Variants in HTT observed in about 807,000 individuals in gnomAD.
HTT encodes the protein huntington disease protein.
A neutral mutation model predicts 362.3 loss-of-function variants in HTT; 104 were observed. That is an observed-to-expected ratio of 0.29 (90% CI 0.24 to 0.34). The LOEUF is 0.34. HTT is among the 10% of genes least tolerant of loss of function. HTT has a pLI of 1.00. For synonymous variants in HTT, 1,577 were observed against 1,548.7 expected, an observed-to-expected ratio of 1.02 and a Z score of -0.43; for missense variants, 3,301 against 3,928.6, an observed-to-expected ratio of 0.84 and a Z score of 4.27.
intron 4 of HTT, 50 bp downstream of exon 4, chr4:3,103,933 T>G: frequency 7.5e-6 from 8 of 1,073,822 alleles, no homozygotes; most frequent in Non-Finnish European, 1.1e-5. Flanking sequence ...TAAATTTTTA[T>G]AGGTACACGT....
chr4:3,110,838 A>AT (rs1453140985), intron 6 of HTT, among the ~76,000 whole-genome samples: 1 of 151,800 alleles, frequency 6.6e-6, no homozygotes, highest in East Asian at 1.9e-4. Flanking sequence ...TTCTGGGAAA[A>AT]TTTTCTTAAC....
intron 60 of HTT, among the ~76,000 whole-genome samples, chr4:3,231,514 G>T (rs987143714): frequency 6.6e-6 from 1 of 152,296 alleles, no homozygotes; most frequent in Admixed American, 6.5e-5. Flanking sequence ...ACATGTCCGT[G>T]ACCTGGAGCC....
At chr4:3,224,357 A>G (rs1467759057) in intron 56 of HTT, among the ~76,000 whole-genome samples, 1 of 152,236 alleles carries the variant, frequency 6.6e-6, no homozygotes, top group Admixed American at 6.5e-5. Context: ...CAGTCAAGAA[A>G]TGAGAAGCGA....
In HTT at chr4:3,240,095, G is replaced by C. The variant is rs1721739198; in HGVS notation, c.*36G>C. 2.6e-6 allele frequency: 4 copies of C among 1,526,734 alleles called. No individual in the cohort carries two copies. In the Admixed American group the frequency reaches 7.7e-5, roughly 30 times the overall value. 94.6% of individuals were successfully genotyped at this position (1,526,734 alleles called of 1,614,324 possible). A position where few individuals can be genotyped will look rare whatever the true frequency, so the allele number is the denominator to read the frequency against. On this transcript the variant is annotated 3_prime_UTR_variant, in exon 67 of 67. Transcript: ENST00000355072. ...GGGAGAGACTGTGAGGCGGCAGCTGGGGCCGGAGCCTTTGGAAGTCTGCGC... is the reference window on the plus strand; with the variant it reads ...GGGAGAGACTGTGAGGCGGCAGCTGCGGCCGGAGCCTTTGGAAGTCTGCGC...
intron 29 of HTT, among the ~76,000 whole-genome samples, chr4:3,170,043 G>T (rs1717901223): frequency 6.6e-6 from 1 of 152,018 alleles, no homozygotes; most frequent in Non-Finnish European, 1.5e-5. Context: ...CCAGTTCTTG[G>T]TGTTTCTCAT....
At chr4:3,169,754 A>T (rs1250705684) in intron 29 of HTT, among the ~76,000 whole-genome samples, 1 of 152,054 alleles carries the variant, frequency 6.6e-6, no homozygotes, top group African/African-American at 2.4e-5. Flanking sequence ...GTGTATTTTT[A>T]TTAGAGATGG....
chr4:3,122,539 G>A (rs188547973), intron 9 of HTT, among the ~76,000 whole-genome samples: 7 of 152,272 alleles, frequency 4.6e-5, no homozygotes, highest in South Asian at 2.1e-4. Context: ...TATGGAATGC[G>A]TGCCTTACAA....
rs1200755266 is a variant in HTT, at chr4:3,240,595, TTC to T, written c.*542_*543del. On this transcript the variant is annotated 3_prime_UTR_variant, in exon 67 of 67. Transcript: ENST00000355072. ...GCTAGACACCCGGCACCATTCTCCC[TTC>T]TCTCTTTTCTTCTCAGGATTTAAAA... The T allele has an allele frequency of 1.3e-5, 2 of 157,996 alleles. No individual in the cohort carries two copies. Among genetic ancestry groups the T allele is most frequent in the Non-Finnish European group, 2.8e-5 (2 of 71,460 alleles). 9.8% of individuals were successfully genotyped at this position (157,996 alleles called of 1,614,324 possible). A position where few individuals can be genotyped will look rare whatever the true frequency, so the allele number is the denominator to read the frequency against.
At chr4:3,182,515 C>A in intron 37 of HTT, 45 bp downstream of exon 37, 1 of 1,220,414 alleles carries the variant, frequency 8.2e-7, no homozygotes, top group Non-Finnish European at 1.2e-6. Context: ...GTGATGGTAG[C>A]TTAAGGTCCT....
intron 51 of HTT, 68 bp from the exon 52 acceptor site, chr4:3,217,697 A>C (rs1033077619): frequency 7.3e-7 from 1 of 1,366,824 alleles, no homozygotes; most frequent in Admixed American, 2.0e-5. Flanking sequence ...GTTGTAGGTC[A>C]TGCTTTCTAC....
chr4:3,214,048 C>T lies in HTT; in HGVS notation c.6865C>T (p.Pro2289Ser). ...LDCCCLALQL[P>S]GLWSVVSSTE... ...CTGCTGCTGCCTGGCCCTGCAGCTG[C>T]CTGGCCTCTGGAGCGTGGTCTCCTC... Residue 2289 changes from proline to serine, a missense_variant, in exon 50 of 67, where the codon CCT becomes TCT. Pro to Ser is a moderately conservative substitution (Grantham distance 74). This residue lies in a region of HTT where 220 missense variants were observed against 218.5 expected (regional missense o/e 1.01). Coordinates refer to ENST00000355072, the MANE Select transcript of HTT (RefSeq NM_001388492.1). 1 of 1,610,086 alleles carries T rather than the reference C, an allele frequency of 6.2e-7. No homozygotes were observed. The highest frequency in any genetic ancestry group is 8.5e-7 in the Non-Finnish European group (1 of 1,178,048).
chr4:3,192,122 A>T (rs1057140083), intron 40 of HTT, among the ~76,000 whole-genome samples: 1 of 152,172 alleles, frequency 6.6e-6, no homozygotes, highest in African/African-American at 2.4e-5. Flanking sequence ...GCTGAAGTGC[A>T]GTGGCATGAA....
At chr4:3,099,630 C>T (rs868343278) in intron 3 of HTT, among the ~76,000 whole-genome samples, 1 of 67,844 alleles carries the variant, frequency 1.5e-5, no homozygotes, top group South Asian at 3.7e-4. Flanking sequence ...TGGAGGTGCT[C>T]TTGTATGGTT....
At position 3,133,524 on chromosome 4, in the gene HTT, TAAA is replaced by T. The variant is rs59648129; in HGVS notation, c.2493+630_2493+632del. ...TAATAGTAATAATAATCAGTTGAAT[TAAA>T]AAAAAAAAAAAAAAAACCACTGTGC... On this transcript the variant is annotated intron_variant, in intron 18 of 66. Transcript: ENST00000355072. 4.4e-4 allele frequency among the ~76,000 whole-genome samples: 55 copies of T among 125,482 alleles called. 1 individual carries two copies. Among genetic ancestry groups the T allele is most frequent in the East Asian group, 9.5e-4 (4 of 4,206 alleles). The allele number at this position is 125,482 out of a possible 152,430, so 82.3% of individuals were successfully genotyped here.
intron 29 of HTT, among the ~76,000 whole-genome samples, chr4:3,168,315 C>G (rs1379705754): frequency 6.6e-6 from 1 of 152,182 alleles, no homozygotes; most frequent in Non-Finnish European, 1.5e-5. Context: ...GTGTGCGGGG[C>G]TGGGTGTTGA....
At chr4:3,077,217 A>C (rs1186217103) in intron 1 of HTT, among the ~76,000 whole-genome samples, 1 of 152,076 alleles carries the variant, frequency 6.6e-6, no homozygotes, top group African/African-American at 2.4e-5. Flanking sequence ...TGCATAAGTA[A>C]TACATTGACA....
At chr4:3,139,611 A>G (rs1163299944) in intron 21 of HTT, among the ~76,000 whole-genome samples, 1 of 152,200 alleles carries the variant, frequency 6.6e-6, no homozygotes, top group Non-Finnish European at 1.5e-5. Context: ...AAAATAGTTC[A>G]TTGTTTCTAA....
Position 3,241,536 on chromosome 4 carries a change from G to T in HTT, c.*1477G>T, listed in dbSNP as rs1287240077. ...CAGGGGCTCTGCTTCCTCAGCCCTA[G>T]AGGCGAGCCAGGCAAGGTTGGCGAC... On this transcript the variant is annotated 3_prime_UTR_variant, in exon 67 of 67. Coordinates refer to ENST00000355072, the MANE Select transcript of HTT (RefSeq NM_001388492.1). 6.6e-6 allele frequency: 1 copy of T among 152,334 alleles called. No homozygotes were observed. The highest frequency in any genetic ancestry group is 2.4e-5 in the African/African-American group (1 of 41,474). 9.4% of individuals were successfully genotyped at this position (152,334 alleles called of 1,614,324 possible). A position where few individuals can be genotyped will look rare whatever the true frequency, so the allele number is the denominator to read the frequency against.
At chr4:3,132,500 G>A (rs1307147941) in intron 16 of HTT, 62 bp from the exon 17 acceptor site, 5 of 1,415,170 alleles carry the variant, frequency 3.5e-6, no homozygotes, top group African/African-American at 1.4e-5. Context: ...TTAAGCTTTT[G>A]TTTCGAGTTA....
Sources: gnomAD v4.1 joint callset for allele counts (sites outside exome capture counted in the v4.1 genomes callset) on GRCh38, gnomAD v4.1.1 for gene constraint, gnomAD v4.1.1 regional missense constraint, MANE v1.5 for transcripts, NCBI Gene and HGNC (gene_info 2026-07-23, HGNC 2026-07-21) for gene names.